The following EEA1 variants were observed in gnomAD, a reference collection of about 807,000 sequenced individuals.
EEA1 encodes early endosome antigen 1, 162kD.
In EEA1, 111 loss-of-function variants were observed where a neutral mutation model predicts 209.2. The observed-to-expected ratio is 0.53, with a 90% CI of 0.45 to 0.62. The LOEUF (loss-of-function observed/expected upper bound fraction) is 0.62, where lower values mean the gene tolerates loss of function less well. Among genes scored for constraint, EEA1 ranks in the 20% least tolerant of loss-of-function variants. The pLI is 0.00. For missense variants in EEA1, 1,343 were observed against 1,530.8 expected, an observed-to-expected ratio of 0.88 and a Z score of 2.05; for synonymous variants, 536 against 540.6, an observed-to-expected ratio of 0.99 and a Z score of 0.12.
rs1873786456 is a variant in EEA1 at position 92,779,102 on chromosome 12, T to C, written c.3654+13A>G. On this transcript the variant is annotated intron_variant, in intron 25 of 28. Transcript: ENST00000322349. ...CTACTGCAAAACACACTTCCCCCGA[T>C]TAACTCACTGACCAACTTAGCTTCT... 5.7e-6 allele frequency: 9 copies of C among 1,591,658 alleles called. No homozygotes were observed. The highest frequency in any genetic ancestry group is 7.7e-6 in the Non-Finnish European group (9 of 1,173,286).
At chr12:92,892,582 TGCTCTGTCATCCAGGCTGGTCTC>T (rs1879696371) in intron 1 of EEA1, among the ~76,000 whole-genome samples, 4 of 148,466 alleles carry the variant, frequency 2.7e-5, no homozygotes, top group Non-Finnish European at 6.0e-5. Context: ...ACAAGAGTCT[TGCTCTGTCATCCAGGCTGGTCTC>T]ACTCTGTCAT....
intron 1 of EEA1, among the ~76,000 whole-genome samples, chr12:92,922,079 C>T (rs1017636627): frequency 2.0e-5 from 3 of 152,088 alleles, no homozygotes; most frequent in Admixed American, 2.0e-4. Flanking sequence ...TCAGCGGCCA[C>T]TTCTCAGTCC....
chr12:92,921,596 T>C (rs1300562441), intron 1 of EEA1, among the ~76,000 whole-genome samples: 1 of 82,802 alleles, frequency 1.2e-5, no homozygotes, highest in Non-Finnish European at 2.3e-5. Flanking sequence ...CTGGGGACTG[T>C]GGTGGGGTTG....
At chr12:92,892,097 T>C (rs1879675080) in intron 1 of EEA1, among the ~76,000 whole-genome samples, 1 of 152,136 alleles carries the variant, frequency 6.6e-6, no homozygotes, top group South Asian at 2.1e-4. Context: ...TCTTTTGTTT[T>C]GGTTGTTTTT....
At chr12:92,821,686 C>A (rs1325847141) in intron 13 of EEA1, among the ~76,000 whole-genome samples, 1 of 151,976 alleles carries the variant, frequency 6.6e-6, no homozygotes, top group Non-Finnish European at 1.5e-5. Flanking sequence ...TAAAAGATTC[C>A]ATATTATCTC....
At chr12:92,905,554 C>T (rs1454831720) in intron 1 of EEA1, 2 of 151,712 alleles carry the variant, frequency 1.3e-5, no homozygotes, top group Non-Finnish European at 2.9e-5. Context: ...TGCAGTGAGC[C>T]GACATCACGC....
At chr12:92,821,127 C>G (rs2136682770) in intron 13 of EEA1, 1 of 152,220 alleles carries the variant, frequency 6.6e-6, no homozygotes, top group South Asian at 2.1e-4. Context: ...CTGGGAAATA[C>G]AAAATACATA....
intron 21 of EEA1, among the ~76,000 whole-genome samples, chr12:92,791,691 C>T (rs542503953): frequency 1.3e-5 from 2 of 152,254 alleles, no homozygotes; most frequent in South Asian, 4.2e-4. Context: ...TTTAACACCT[C>T]GCTGTCAATA....
chr12:92,869,240 A>G (rs889175744), intron 2 of EEA1, among the ~76,000 whole-genome samples: 1 of 152,210 alleles, frequency 6.6e-6, no homozygotes, highest in African/African-American at 2.4e-5. Flanking sequence ...ATAACACACT[A>G]AAACTAGCCA....
Position 92,802,477 on chromosome 12 carries a change from G to C in EEA1, c.2597C>G (p.Ser866Cys), listed in dbSNP as rs769176460. ...ACTTTTAGAGTTTTTCAAAGAATCA[G>C]AAACTTTTGATAGTTTGTCCTTTAC... ...STVKDKLSKV[S>C]DSLKNSKSEF... Residue 866 changes from serine (S) to cysteine (C), a missense_variant, in exon 19 of 29, where the codon TCT becomes TGT. Coordinates refer to ENST00000322349, the MANE Select transcript of EEA1 (RefSeq NM_003566.4). 1 of 1,578,400 alleles carries C rather than the reference G, an allele frequency of 6.3e-7. No individual in the cohort carries two copies. The highest frequency in any genetic ancestry group is 2.1e-5 in the Admixed American group (1 of 47,976).
chr12:92,898,712 T>TC (rs1290518802), intron 1 of EEA1, among the ~76,000 whole-genome samples: 1 of 148,956 alleles, frequency 6.7e-6, no homozygotes, highest in Non-Finnish European at 1.5e-5. Context: ...ATGTCTTCTT[T>TC]TTTTTTTCCT....
intron 3 of EEA1, chr12:92,858,273 A>G: frequency 1.4e-6 from 1 of 733,938 alleles, no homozygotes; most frequent in Non-Finnish European, 2.6e-6. Context: ...AACTGGAATG[A>G]TCCTTCTTGC....
intron 22 of EEA1, among the ~76,000 whole-genome samples, chr12:92,787,248 G>C (rs569520505): frequency 6.6e-6 from 1 of 152,220 alleles, no homozygotes; most frequent in African/African-American, 2.4e-5. Flanking sequence ...TCCTCTGTGA[G>C]AGAACACAAA....
At chr12:92,878,707 G>T (rs1020829445) in intron 2 of EEA1, among the ~76,000 whole-genome samples, 1 of 152,006 alleles carries the variant, frequency 6.6e-6, no homozygotes, top group African/African-American at 2.4e-5. Flanking sequence ...AAAGTCAAAA[G>T]TTGGCTACCT....
At chr12:92,857,921 C>G (rs1877955185) in intron 3 of EEA1, among the ~76,000 whole-genome samples, 1 of 152,218 alleles carries the variant, frequency 6.6e-6, no homozygotes, top group Non-Finnish European at 1.5e-5. Flanking sequence ...TTCCATCTTT[C>G]ATACTGAGAA....
rs890215975 is a variant in EEA1, at chr12:92,771,992, G to C, written c.*4019C>G. The C allele has an allele frequency of 1.3e-5, 2 of 151,882 alleles. No homozygotes were observed. Among genetic ancestry groups the C allele is most frequent in the Non-Finnish European group, 2.9e-5 (2 of 67,860 alleles). 9.4% of individuals were successfully genotyped at this position (151,882 alleles called of 1,614,324 possible). ...CAATATATTAGATGTTTGAGGATAT[G>C]CACATTAAACTCTTTGGAGGGTTTA... On this transcript the variant is annotated 3_prime_UTR_variant, in exon 29 of 29. Coordinates refer to ENST00000322349, the MANE Select transcript of EEA1 (RefSeq NM_003566.4).
chr12:92,776,178 C>A (rs1210728994), intron 28 of EEA1, 45 bp from the exon 29 acceptor site: 3 of 1,552,210 alleles, frequency 1.9e-6, no homozygotes, highest in South Asian at 1.2e-5. Context: ...AAAAACTATA[C>A]CAAAAGTATT....
intron 3 of EEA1, among the ~76,000 whole-genome samples, chr12:92,859,555 T>C (rs1390443886): frequency 1.3e-5 from 2 of 152,160 alleles, no homozygotes; most frequent in Non-Finnish European, 2.9e-5. Flanking sequence ...TTCGGTGTTT[T>C]GTTGGGCTTG....
At chr12:92,811,511 G>T in intron 16 of EEA1, 77 bp from the exon 17 acceptor site, 1 of 973,180 alleles carries the variant, frequency 1.0e-6, no homozygotes, top group South Asian at 3.4e-5. Context: ...ACGTAAAATT[G>T]AAAACTCTAA....
Sources: gnomAD v4.1 joint callset for allele counts (sites outside exome capture counted in the v4.1 genomes callset) on GRCh38, gnomAD v4.1.1 for gene constraint, MANE v1.5 for transcripts, NCBI Gene and HGNC (gene_info 2026-07-23, HGNC 2026-07-21) for gene names.